Variants in NEB observed in about 807,000 individuals in gnomAD.
NEB encodes the protein nemaline myopathy type 2.
A neutral mutation model predicts 952.2 loss-of-function variants in NEB; 512 were observed. That is an observed-to-expected ratio of 0.54 (90% CI 0.50 to 0.58). NEB has a LOEUF of 0.58. Ranked by LOEUF, NEB falls within the 20% of genes least tolerant of loss-of-function variation. The pLI, the probability that NEB is intolerant of heterozygous loss-of-function variation, is 0.00. For missense variants in NEB, 8,428 were observed against 9,231.1 expected (o/e 0.91, Z 3.56); for synonymous variants, 2,900 against 3,149.8 (o/e 0.92, Z 2.66).
chr2:151,549,791 G>T, intron 129 of NEB, 51 bp from the exon 130 acceptor site: 2 of 1,080,412 alleles, frequency 1.9e-6, no homozygotes, highest in South Asian at 1.4e-5. Context: ...TCAAGTAACT[G>T]ATCTGAGCTT....
chr2:151,715,096 C>T (rs2099755550), intron 10 of NEB, among the ~76,000 whole-genome samples: 2 of 152,250 alleles, frequency 1.3e-5, no homozygotes, highest in African/African-American at 2.4e-5. Flanking sequence ...TATTACTCCA[C>T]AGGGCAAAGC....
chr2:151,711,610 G>A (rs2150099394), intron 10 of NEB, among the ~76,000 whole-genome samples: 1 of 152,152 alleles, frequency 6.6e-6, no homozygotes, highest in South Asian at 2.1e-4. Flanking sequence ...TTAGAGTCCT[G>A]GGCCTGGGTT....
chr2:151,675,859 A>G (rs1455461962), intron 34 of NEB, among the ~76,000 whole-genome samples: 2 of 152,220 alleles, frequency 1.3e-5, no homozygotes, highest in African/African-American at 4.8e-5. Flanking sequence ...CTCATAATGT[A>G]GAGGTGCTTA....
intron 171 of NEB, chr2:151,497,362 T>G (rs746355961): frequency 4.1e-6 from 4 of 982,462 alleles, no homozygotes; most frequent in Non-Finnish European, 4.8e-6. Flanking sequence ...CTCAGTGGTG[T>G]TATCCACACA....
chr2:151,634,448 C>T lies in NEB; in HGVS notation c.9103-483G>A, dbSNP rs532406299. On this transcript the variant is annotated intron_variant, in intron 64 of 181. Coordinates refer to ENST00000397345, the MANE Select transcript of NEB (RefSeq NM_001164508.2). Reference sequence around the variant, plus strand: ...CATGAGGTCAGGAGATCAAGACCATCCTGGCTAATATGGTGAAACCTCGTC... The same window carrying T: ...CATGAGGTCAGGAGATCAAGACCATTCTGGCTAATATGGTGAAACCTCGTC... Among the ~76,000 whole-genome samples the T allele has an allele frequency of 1.9e-3, 295 of 152,106 alleles. 2 individuals carry two copies. Among genetic ancestry groups the T allele is most frequent in the Middle Eastern group, 6.8e-3 (2 of 294 alleles).
In NEB at chr2:151,627,797, T is replaced by C. The variant is rs1172304044; in HGVS notation, c.9869A>G (p.His3290Arg). The C allele has an allele frequency of 2.5e-6, 4 of 1,613,970 alleles. No individual in the cohort carries two copies. The highest frequency in any genetic ancestry group is 3.4e-6 in the Non-Finnish European group (4 of 1,179,854). The change falls in exon 69 of 182, where the codon CAC (histidine) becomes CGC (arginine). Residue 3290 changes from histidine (H) to arginine (R), a missense_variant. Transcript: ENST00000397345. ...YKDGYRKQLG[H>R]HIGARNIEDD... ...TTCAATGTTCCGGGCTCCAATGTGG[T>C]GGCCGAGCTGCTTGCGGTAACCATC...
At chr2:151,625,780 G>T in intron 70 of NEB, 142 bp from the exon 71 acceptor site, 2 of 485,074 alleles carry the variant, frequency 4.1e-6, no homozygotes, top group Non-Finnish European at 3.6e-6. Flanking sequence ...CAACCTCTTT[G>T]ATTTTACAAG....
chr2:151,485,585 C>A lies in NEB; in HGVS notation c.*175G>T. On this transcript the variant is annotated 3_prime_UTR_variant, in exon 182 of 182. Transcript: ENST00000397345. ...AATATTGCAGAAGCTTTTAAAGTGTCTGTTCTGCAACTTATTTTAAAACCC... is the reference window on the plus strand; with the variant it reads ...AATATTGCAGAAGCTTTTAAAGTGTATGTTCTGCAACTTATTTTAAAACCC... The A allele has an allele frequency of 2.0e-6, 1 of 503,338 alleles. No homozygotes were observed. Among genetic ancestry groups the A allele is most frequent in the Non-Finnish European group, 3.4e-6 (1 of 293,614 alleles). The allele number at this position is 503,338 out of a possible 1,614,324, so 31.2% of individuals were successfully genotyped here.
Position 151,576,171 on chromosome 2 carries a change from T to C in NEB, c.16888A>G (p.Asn5630Asp), listed in dbSNP as rs764884768. Reference sequence around the variant, plus strand: ...CTCACAATACTAATATTTTCAGCATTTGATTTAGCAAGGACCACTTCAGGT... The same window carrying C: ...CTCACAATACTAATATTTTCAGCATCTGATTTAGCAAGGACCACTTCAGGT... The part of the protein sequence containing the change: ...DTPEVVLAKS[N>D]AENISIPKYR... Residue 5630 changes from asparagine to aspartate, a missense_variant, in exon 106 of 182, where the codon AAT becomes GAT. Physicochemically the swap from Asn to Asp is conservative, Grantham distance 23. Around this residue, in one of 11 missense-constraint regions of NEB, gnomAD observed 3,374 missense variants for 3,651.5 expected, o/e 0.92. Transcript: ENST00000397345. 1 of 1,598,768 alleles carries C rather than the reference T, an allele frequency of 6.3e-7. No homozygotes were observed. The highest frequency in any genetic ancestry group is 8.5e-7 in the Non-Finnish European group (1 of 1,170,334).
At position 151,656,478 on chromosome 2, in the gene NEB, A is replaced by G. The variant is rs10173335; in HGVS notation, c.6184-14T>C. On this transcript the variant is annotated splice_polypyrimidine_tract_variant and intron_variant, in intron 48 of 181. Transcript: ENST00000397345. ...CTTGTATTTATACTGTGAAGAAAAT[A>G]TGAGTTTTTACACAGAGCAATTCCT... 2.7e-5 allele frequency: 43 copies of G among 1,569,190 alleles called. No individual in the cohort carries two copies. Among genetic ancestry groups the G allele is most frequent in the Non-Finnish European group, 3.7e-5 (42 of 1,150,280 alleles).
At chr2:151,619,863 G>A (rs2098341715) in intron 72 of NEB, 101 bp from the exon 73 acceptor site, 2 of 1,259,988 alleles carry the variant, frequency 1.6e-6, no homozygotes, top group Non-Finnish European at 2.2e-6. Flanking sequence ...AGGCAACAGA[G>A]GAGTTTCACT....
At chr2:151,701,845 T>A (rs2099672441) in intron 13 of NEB, among the ~76,000 whole-genome samples, 1 of 146,054 alleles carries the variant, frequency 6.8e-6, no homozygotes, top group Non-Finnish European at 1.5e-5. Context: ...TTTTGAAGGG[T>A]TTTTTGTGTC....
At position 151,493,390 on chromosome 2, in the gene NEB, A is replaced by G. The variant is rs778196202; in HGVS notation, c.24728T>C (p.Met8243Thr). The change falls in exon 176 of 182, where the codon ATG (methionine) becomes ACG (threonine). Residue 8243 changes from methionine to threonine, a missense_variant. Around this residue, in one of 11 missense-constraint regions of NEB, gnomAD observed 3,374 missense variants for 3,651.5 expected, o/e 0.92. Coordinates refer to ENST00000397345, the MANE Select transcript of NEB (RefSeq NM_001164508.2). Reference protein sequence around the residue: ...KATPTPVTPEMERAKRNQENI... With the variant: ...KATPTPVTPETERAKRNQENI... ...TTCTTGGTTGCGCTTAGCTCTCTCC[A>G]TCTCTGGAGTAACAGGTGTCGGAGT... The G allele has an allele frequency of 1.2e-6, 2 of 1,611,978 alleles. No individual in the cohort carries two copies. The highest frequency in any genetic ancestry group is 2.2e-5 in the East Asian group (1 of 44,790).
intron 71 of NEB, among the ~76,000 whole-genome samples, chr2:151,625,332 G>A (rs4599105): frequency 0.61 from 92,050 of 151,634 alleles, 28,548 homozygotes; most frequent in East Asian, 0.79. Flanking sequence ...GTGTCTGTCT[G>A]TCTATCTGTC....
chr2:151,709,566 C>A, intron 12 of NEB, 90 bp downstream of exon 12: 1 of 964,814 alleles, frequency 1.0e-6, no homozygotes, highest in Non-Finnish European at 1.6e-6. Flanking sequence ...CCACTCCTCC[C>A]CTTTTTTACT....
rs1376979181 is a variant in NEB, at chr2:151,633,744, C to G, written c.9324G>C (p.Val3108=). ...ACTCGTGCAGGTAGTTCTTATAGTC[C>G]ACGTCACTGACTAAGGTCTGGCACT... is the stretch of plus-strand genomic sequence containing the variant. The part of the protein sequence containing the change: ...AKKCQTLVSD[V]DYKNYLHEWT... The change falls in exon 65 of 182, where the codon GTG becomes GTC. Residue 3108 remains valine, a synonymous_variant. Coordinates refer to ENST00000397345, the MANE Select transcript of NEB (RefSeq NM_001164508.2). The G allele has an allele frequency of 1.2e-6, 2 of 1,613,830 alleles. No homozygotes were observed. The highest frequency in any genetic ancestry group is 1.7e-6 in the Non-Finnish European group (2 of 1,179,900).
intron 24 of NEB, chr2:151,690,411 C>T (rs2099539152): frequency 3.7e-6 from 1 of 269,788 alleles, no homozygotes; most frequent in South Asian, 4.3e-5. Flanking sequence ...CAAATAGATG[C>T]TTTTGTTGTC....
At chr2:151,726,826 G>A (rs6750662) in intron 5 of NEB, among the ~76,000 whole-genome samples, 1 of 151,968 alleles carries the variant, frequency 6.6e-6, no homozygotes, top group African/African-American at 2.4e-5. Context: ...AGGAGTTTAC[G>A]ACCATCCTGG....
chr2:151,725,560 T>G lies in NEB; in HGVS notation c.295A>C (p.Asn99His). The G allele has an allele frequency of 6.2e-7, 1 of 1,612,098 alleles. No homozygotes were observed. The highest frequency in any genetic ancestry group is 8.5e-7 in the Non-Finnish European group (1 of 1,178,286). The change falls in exon 6 of 182, where the codon AAT becomes CAT. Residue 99 changes from asparagine (N) to histidine (H), a missense_variant and splice_region_variant. Physicochemically the swap from Asn to His is moderately conservative, Grantham distance 68. Transcript: ENST00000397345. ...SQKMQDLFSP[N>H]KYKEKFEKTK... is the part of the protein sequence containing the mutation. ...TTCTCAAACTTCTCCTTGTATTTAT[T>G]CTGAAAAGAATATCAGATATTAGCC...
Sources: gnomAD v4.1 joint callset for allele counts (sites outside exome capture counted in the v4.1 genomes callset) on GRCh38, gnomAD v4.1.1 for gene constraint, gnomAD v4.1.1 regional missense constraint, MANE v1.5 for transcripts, NCBI Gene and HGNC (gene_info 2026-07-23, HGNC 2026-07-21) for gene names.